Variants in AGAP1 observed in about 807,000 individuals in gnomAD.
AGAP1 encodes ArfGAP with GTPase domain, ankyrin repeat and PH domain 1, also known as arf-GAP with GTPase, ANK repeat and PH domain-containing protein 1.
AGAP1 carries 29 observed loss-of-function variants against 105.3 expected under a neutral mutation model. The observed-to-expected ratio is 0.28, with a 90% CI of 0.21 to 0.38. AGAP1 has a LOEUF of 0.38. Ranked by LOEUF, AGAP1 falls within the 10% of genes least tolerant of loss-of-function variation. The pLI is 1.00. For synonymous variants in AGAP1, 509 were observed against 485.9 expected, an observed-to-expected ratio of 1.05 and a Z score of -0.63; for missense variants, 998 against 1,165.1, an observed-to-expected ratio of 0.86 and a Z score of 2.09.
At chr2:235,876,846 C>CTT (rs34849687) in intron 9 of AGAP1, among the ~76,000 whole-genome samples, 56 of 131,476 alleles carry the variant, frequency 4.3e-4, no homozygotes, top group African/African-American at 1.4e-3. Context: ...GGTGTGGAAC[C>CTT]TTTTTTTTTT....
intron 9 of AGAP1, among the ~76,000 whole-genome samples, chr2:235,829,517 T>C (rs2106333986): frequency 6.6e-6 from 1 of 152,326 alleles, no homozygotes; most frequent in Non-Finnish European, 1.5e-5. Flanking sequence ...TATACTGAAT[T>C]GCCACTAGAG....
rs2058553242 is a variant in AGAP1, at chr2:236,073,263, G to A, written c.2114+23982G>A. On this transcript the variant is annotated intron_variant, in intron 16 of 17. Transcript: ENST00000304032. The surrounding 1 kb of genome is among the most constrained non-coding windows in gnomAD (Gnocchi z 5.4). Reference sequence around the variant, plus strand: ...ACCCGCCTCGGCCTCCCAAAGTGCTGGGATTACAGATGTGAGCCACCGTGC... The same window carrying A: ...ACCCGCCTCGGCCTCCCAAAGTGCTAGGATTACAGATGTGAGCCACCGTGC... Among the ~76,000 whole-genome samples the A allele has an allele frequency of 6.6e-6, 1 of 152,130 alleles. No individual in the cohort carries two copies. The highest frequency in any genetic ancestry group is 1.5e-5 in the Non-Finnish European group (1 of 68,010).
intron 9 of AGAP1, among the ~76,000 whole-genome samples, chr2:235,832,029 G>A (rs74370448): frequency 7.6e-4 from 116 of 152,206 alleles, no homozygotes; most frequent in African/African-American, 2.6e-3. Flanking sequence ...GTATCCCCTG[G>A]TCATTTTCAT....
At chr2:235,593,219 G>A (rs1203282608) in intron 1 of AGAP1, among the ~76,000 whole-genome samples, 1 of 152,202 alleles carries the variant, frequency 6.6e-6, no homozygotes, top group East Asian at 1.9e-4. Context: ...AGCCCTCAAG[G>A]AGATTCTGTC....
chr2:235,637,218 T>C (rs183586851), intron 1 of AGAP1, among the ~76,000 whole-genome samples: 30 of 152,260 alleles, frequency 2.0e-4, no homozygotes, highest in African/African-American at 6.3e-4. Flanking sequence ...GGCTAAGACC[T>C]GCTTTATACA....
In AGAP1 at chr2:236,049,138, C is replaced by T. The variant is rs1170436153; in HGVS notation, c.1971C>T (p.His657=). ...GGATCCACCGGAATCTTGGCACCCA[C>T]CTTTCCCGAGTCCGATCTCTGGACC... ...CSGIHRNLGT[H]LSRVRSLDLD... Residue 657 remains histidine, a synonymous_variant, in exon 16 of 18, where the codon CAC becomes CAT. Coordinates refer to ENST00000304032, the MANE Select transcript of AGAP1 (RefSeq NM_001037131.3). The T allele has an allele frequency of 1.2e-6, 2 of 1,614,236 alleles. No individual in the cohort carries two copies. Among genetic ancestry groups the T allele is most frequent in the South Asian group, 1.1e-5 (1 of 91,080 alleles).
chr2:235,944,737 CTG>C (rs1306967843), intron 12 of AGAP1, among the ~76,000 whole-genome samples: 3 of 152,194 alleles, frequency 2.0e-5, no homozygotes, highest in African/African-American at 7.2e-5. Context: ...GAACTGGAGT[CTG>C]GGGGCACGTC....
intron 12 of AGAP1, among the ~76,000 whole-genome samples, chr2:235,944,502 C>A (rs946951455): frequency 8.5e-5 from 13 of 152,218 alleles, no homozygotes; most frequent in Admixed American, 2.6e-4. Flanking sequence ...CTTACAAATT[C>A]TTTATGTACT....
chr2:236,116,901 C>T lies in AGAP1; in HGVS notation c.2115-3291C>T, dbSNP rs148467378. Reference sequence around the variant, plus strand: ...TCCTTAGAATAATAGTCTCCAGTCTCATTGGAGGTCCCTGCAAATGCTGTT... The same window carrying T: ...TCCTTAGAATAATAGTCTCCAGTCTTATTGGAGGTCCCTGCAAATGCTGTT... On this transcript the variant is annotated intron_variant, in intron 16 of 17. Transcript: ENST00000304032. Among the ~76,000 whole-genome samples the T allele has an allele frequency of 1.8e-3, 272 of 152,304 alleles. 4 individuals are homozygous for T. Among genetic ancestry groups the T allele is most frequent in the African/African-American group, 6.2e-3 (259 of 41,562 alleles).
chr2:235,983,852 C>A lies in AGAP1; in HGVS notation c.1645+15229C>A, dbSNP rs188559261. ...GTCACACAATGACAAAATCGCCTAA[C>A]GACACATTTCTCAGAATGCATCACT... is the stretch of plus-strand genomic sequence containing the variant. On this transcript the variant is annotated intron_variant, in intron 13 of 17. Transcript: ENST00000304032. The surrounding 1 kb of genome is among the most constrained non-coding windows in gnomAD (Gnocchi z 4.5). 6.6e-6 allele frequency among the ~76,000 whole-genome samples: 1 copy of A among 152,170 alleles called. No individual in the cohort carries two copies. Among genetic ancestry groups the A allele is most frequent in the Non-Finnish European group, 1.5e-5 (1 of 68,036 alleles).
At chr2:235,711,509 C>T (rs896578632) in intron 2 of AGAP1, among the ~76,000 whole-genome samples, 5 of 152,198 alleles carry the variant, frequency 3.3e-5, no homozygotes, top group East Asian at 1.9e-4. Flanking sequence ...CATTCTGAAA[C>T]GGACTGTCTT....
Position 235,744,682 on chromosome 2 carries a change from C to T in AGAP1, c.397-16C>T. The T allele has an allele frequency of 6.2e-7, 1 of 1,613,822 alleles. No individual in the cohort carries two copies. The highest frequency in any genetic ancestry group is 8.5e-7 in the Non-Finnish European group (1 of 1,179,904). Reference sequence around the variant, plus strand: ...CTCACTCAGCTCCTGCTCTCCTCCCCTTCTTCTCTCCCTAGTTTGCCATGT... The same window carrying T: ...CTCACTCAGCTCCTGCTCTCCTCCCTTTCTTCTCTCCCTAGTTTGCCATGT... On this transcript the variant is annotated splice_polypyrimidine_tract_variant and intron_variant, in intron 4 of 17. Coordinates refer to ENST00000304032, the MANE Select transcript of AGAP1 (RefSeq NM_001037131.3). The surrounding 1 kb of genome is among the most constrained non-coding windows in gnomAD (Gnocchi z 5.2).
intron 13 of AGAP1, among the ~76,000 whole-genome samples, chr2:236,023,200 G>A (rs1048400118): frequency 6.6e-6 from 1 of 152,182 alleles, no homozygotes; most frequent in African/African-American, 2.4e-5. Flanking sequence ...TGTGTGAAGA[G>A]GAATTCTGGG....
In AGAP1 at chr2:236,042,271, C is replaced by A. The variant is rs1268482191; in HGVS notation, c.1891+1430C>A. 6.6e-6 allele frequency among the ~76,000 whole-genome samples: 1 copy of A among 152,088 alleles called. No homozygotes were observed. Among genetic ancestry groups the A allele is most frequent in the African/African-American group, 2.4e-5 (1 of 41,420 alleles). Reference sequence around the variant, plus strand: ...CTCCAGACAAAAGGGAAAGGAAGCGCCCCCTCCAAGAGTCCACTCAGCAGC... The same window carrying A: ...CTCCAGACAAAAGGGAAAGGAAGCGACCCCTCCAAGAGTCCACTCAGCAGC... On this transcript the variant is annotated intron_variant, in intron 15 of 17. Transcript: ENST00000304032. The surrounding 1 kb of genome is among the most constrained non-coding windows in gnomAD (Gnocchi z 5.6).
intron 9 of AGAP1, among the ~76,000 whole-genome samples, chr2:235,810,833 CTTTTT>C (rs76910320): frequency 2.7e-5 from 3 of 113,124 alleles, no homozygotes; most frequent in Non-Finnish European, 3.7e-5. Flanking sequence ...AATTCGGTTT[CTTTTT>C]TTTTTTTTTT....
chr2:235,798,870 CAAAAAA>C (rs1041317180), intron 7 of AGAP1, among the ~76,000 whole-genome samples: 14 of 49,024 alleles, frequency 2.9e-4, no homozygotes, highest in African/African-American at 7.4e-4. Context: ...GACCCTGTCT[CAAAAAA>C]AAAAAAAAAA....
chr2:235,536,454 T>G (rs932003910), intron 1 of AGAP1, among the ~76,000 whole-genome samples: 1 of 91,746 alleles, frequency 1.1e-5, no homozygotes, highest in African/African-American at 5.3e-5. Context: ...CCCTGGGGTT[T>G]GTTTGTGGCA....
rs550997878 is a variant in AGAP1 at position 236,009,222 on chromosome 2, G to A, written c.1646-27339G>A. Among the ~76,000 whole-genome samples, 9 of 152,302 alleles carry A rather than the reference G, an allele frequency of 5.9e-5. No individual in the cohort carries two copies. Among genetic ancestry groups the A allele is most frequent in the Admixed American group, 5.2e-4 (8 of 15,302 alleles). ...TATAAGAGAACAGAACATTTACACC[G>A]TCTTGTTGAGCAAATGAACGTTCAA... On this transcript the variant is annotated intron_variant, in intron 13 of 17. Coordinates refer to ENST00000304032, the MANE Select transcript of AGAP1 (RefSeq NM_001037131.3). The surrounding 1 kb of genome is among the most constrained non-coding windows in gnomAD (Gnocchi z 4.2).
chr2:235,526,793 G>C (rs962021826), intron 1 of AGAP1, among the ~76,000 whole-genome samples: 3 of 150,864 alleles, frequency 2.0e-5, no homozygotes, highest in Non-Finnish European at 4.4e-5. Context: ...TTTGGGTTCA[G>C]AATAGTTATG....
Sources: allele counts gnomAD v4.1 joint callset (sites outside exome capture counted in the v4.1 genomes callset), GRCh38; gene constraint gnomAD v4.1.1; non-coding constraint Gnocchi (gnomAD v3.1); transcripts MANE v1.5; gene names NCBI Gene and HGNC (gene_info 2026-07-23, HGNC 2026-07-21).